The following RASA1 variants were observed in gnomAD, a reference collection of about 807,000 sequenced individuals.
RASA1 encodes the protein RAS p21 protein activator 1.
A neutral mutation model predicts 132.2 loss-of-function variants in RASA1; 25 were observed. That is an observed-to-expected ratio of 0.19 (90% CI 0.14 to 0.26). The LOEUF is 0.26. Among genes scored for constraint, RASA1 ranks in the 10% least tolerant of loss-of-function variants. The probability of loss-of-function intolerance (pLI) is 1.00; values close to 1 mark genes in which losing one functional copy is unlikely to be tolerated. For synonymous variants in RASA1, 477 were observed against 449.9 expected (o/e 1.06, Z -0.76); for missense variants, 964 against 1,299.2 (o/e 0.74, Z 3.97).
At chr5:87,299,860 G>A (rs1457783839) in intron 1 of RASA1, 1 of 152,194 alleles carries the variant, frequency 6.6e-6, no homozygotes, top group East Asian at 1.9e-4. Context: ...TAGGTGTGAT[G>A]TTGATGTGAA....
chr5:87,337,448 A>C (rs1045178641), intron 4 of RASA1, among the ~76,000 whole-genome samples: 1 of 152,108 alleles, frequency 6.6e-6, no homozygotes, highest in Non-Finnish European at 1.5e-5. Context: ...TGGTTTTTTT[A>C]TAAGAAAAAT....
intron 7 of RASA1, among the ~76,000 whole-genome samples, chr5:87,348,196 C>T (rs1398917171): frequency 6.6e-6 from 1 of 151,962 alleles, no homozygotes; most frequent in African/African-American, 2.4e-5. Flanking sequence ...TGTATTAAGC[C>T]TTGAAGATTC....
intron 1 of RASA1, among the ~76,000 whole-genome samples, chr5:87,285,839 G>A (rs747368390): frequency 6.0e-5 from 9 of 151,252 alleles, no homozygotes; most frequent in African/African-American, 1.9e-4. Flanking sequence ...GGCTGCTCTC[G>A]AACTCCTGAC....
chr5:87,323,600 G>A (rs1756989642), intron 1 of RASA1, among the ~76,000 whole-genome samples: 1 of 152,152 alleles, frequency 6.6e-6, no homozygotes, highest in Admixed American at 6.5e-5. Context: ...AAGGTAACAT[G>A]TCTGCATATA....
intron 1 of RASA1, among the ~76,000 whole-genome samples, chr5:87,327,710 A>G (rs1002105064): frequency 6.6e-6 from 1 of 152,164 alleles, no homozygotes; most frequent in East Asian, 1.9e-4. Context: ...CACACCTGTA[A>G]TCTCAGCACT....
chr5:87,342,163 T>C (rs1170611809), intron 6 of RASA1, among the ~76,000 whole-genome samples: 3 of 141,378 alleles, frequency 2.1e-5, no homozygotes, highest in Non-Finnish European at 4.7e-5. Flanking sequence ...TTATTTTTTC[T>C]TTTTTTTTTT....
intron 18 of RASA1, 58 bp from the exon 19 acceptor site, chr5:87,379,677 A>C: frequency 6.3e-7 from 1 of 1,593,022 alleles, no homozygotes; most frequent in Non-Finnish European, 8.6e-7. Flanking sequence ...GTTTTCCTCT[A>C]TTCATTTGCA....
chr5:87,305,141 T>G (rs1285693569), intron 1 of RASA1, among the ~76,000 whole-genome samples: 3 of 152,082 alleles, frequency 2.0e-5, no homozygotes, highest in Non-Finnish European at 2.9e-5. Context: ...TAGCAAAAAT[T>G]TTTTATCTGT....
At chr5:87,347,721 TAAA>T (rs1353134077) in intron 7 of RASA1, among the ~76,000 whole-genome samples, 2 of 151,972 alleles carry the variant, frequency 1.3e-5, no homozygotes, top group African/African-American at 4.8e-5. Flanking sequence ...AAAAATAAGT[TAAA>T]AAAGATTATG....
chr5:87,338,836 T>C (rs1264795748), intron 5 of RASA1, among the ~76,000 whole-genome samples: 1 of 152,068 alleles, frequency 6.6e-6, no homozygotes, highest in African/African-American at 2.4e-5. Flanking sequence ...AAGAATTCAT[T>C]TATATTATAC....
intron 1 of RASA1, among the ~76,000 whole-genome samples, chr5:87,269,889 A>G (rs1207702601): frequency 6.6e-6 from 1 of 152,162 alleles, no homozygotes; most frequent in Admixed American, 6.5e-5. Flanking sequence ...TGAGATGGGA[A>G]GTGTTATTAG....
chr5:87,315,794 TC>T (rs1756286211), intron 1 of RASA1, among the ~76,000 whole-genome samples: 1 of 152,178 alleles, frequency 6.6e-6, no homozygotes, highest in South Asian at 2.1e-4. Flanking sequence ...ATTAAATACT[TC>T]CTAGGAATTA....
chr5:87,342,623 A>G (rs1041981296), intron 6 of RASA1, among the ~76,000 whole-genome samples: 5 of 152,138 alleles, frequency 3.3e-5, no homozygotes, highest in South Asian at 2.1e-4. Context: ...CTGTGTCCCT[A>G]CTGTCAAAAA....
chr5:87,364,655 CCT>C (rs1057265107), intron 11 of RASA1, among the ~76,000 whole-genome samples: 4 of 152,046 alleles, frequency 2.6e-5, no homozygotes, highest in Admixed American at 1.3e-4. Context: ...TTGATTCAGG[CCT>C]CTGTCTTTTC....
chr5:87,333,421 GA>G, intron 4 of RASA1, 84 bp downstream of exon 4: 1 of 1,562,494 alleles, frequency 6.4e-7, no homozygotes, highest in Non-Finnish European at 8.7e-7. Flanking sequence ...GGAAGCTTTT[GA>G]AATTTGAAGA....
rs543548445 is a variant in RASA1 at position 87,382,898 on chromosome 5, G to A, written c.2691-815G>A. The stretch of plus-strand genomic sequence containing the variant: ...GGAATTTGAAATTGTCCTGGGCACC[G>A]TAGCGAGACTCTGCTTTCTACAAAA... On this transcript the variant is annotated intron_variant, in intron 20 of 24. Transcript: ENST00000274376. Among the ~76,000 whole-genome samples, 46 of 151,490 alleles carry A rather than the reference G, an allele frequency of 3.0e-4. No individual in the cohort carries two copies. The South Asian group carries it at 7.3e-3, about 24-fold the overall frequency.
intron 4 of RASA1, 70 bp from the exon 5 acceptor site, chr5:87,337,904 G>T: frequency 7.0e-7 from 1 of 1,433,100 alleles, no homozygotes; most frequent in Non-Finnish European, 9.4e-7. Flanking sequence ...CCTATTTTGT[G>T]GTATATGACT....
intron 9 of RASA1, among the ~76,000 whole-genome samples, chr5:87,357,806 CTT>C (rs1759765504): frequency 6.6e-6 from 1 of 152,144 alleles, no homozygotes; most frequent in South Asian, 2.1e-4. Context: ...GTGCCTTGCT[CTT>C]GTGTTAGTTT....
intron 1 of RASA1, among the ~76,000 whole-genome samples, chr5:87,319,942 T>A (rs1756662683): frequency 6.6e-6 from 1 of 152,226 alleles, no homozygotes; most frequent in Admixed American, 6.5e-5. Flanking sequence ...TATGAGCATA[T>A]ACTTTTAGAA....
Sources: allele counts gnomAD v4.1 joint callset (sites outside exome capture counted in the v4.1 genomes callset), GRCh38; gene constraint gnomAD v4.1.1; transcripts MANE v1.5; gene names NCBI Gene and HGNC (gene_info 2026-07-23, HGNC 2026-07-21).